Variants in N4BP2 observed in about 807,000 individuals in gnomAD.
N4BP2 encodes NEDD4-binding protein 2.
A neutral mutation model predicts 152.8 loss-of-function variants in N4BP2; 91 were observed. The observed-to-expected ratio is 0.60, with a 90% CI of 0.50 to 0.71. The LOEUF (loss-of-function observed/expected upper bound fraction) is 0.71, where lower values mean the gene tolerates loss of function less well. Among genes scored for constraint, N4BP2 ranks in the 30% least tolerant of loss-of-function variants. The pLI is 0.00. For missense variants in N4BP2, 1,923 were observed against 2,059.1 expected, an observed-to-expected ratio of 0.93 and a Z score of 1.28; for synonymous variants, 646 against 705.3, an observed-to-expected ratio of 0.92 and a Z score of 1.33.
At chr4:40,057,835 G>A (rs1238790965) in intron 1 of N4BP2, among the ~76,000 whole-genome samples, 1 of 152,176 alleles carries the variant, frequency 6.6e-6, no homozygotes, top group East Asian at 1.9e-4. Context: ...GTCAGTGTCA[G>A]TGTTGGCTTC....
chr4:40,121,827 A>G lies in N4BP2; in HGVS notation c.3716A>G (p.Gln1239Arg). Residue 1239 changes from glutamine (Q) to arginine (R), a missense_variant, in exon 9 of 18, where the codon CAG becomes CGG. Coordinates refer to ENST00000261435, the MANE Select transcript of N4BP2 (RefSeq NM_018177.6). ...KNNNDILPNS[Q>R]EELLYSSKQS... ...AATAATGACATACTTCCTAACAGCC[A>G]GGAAGAACTTTTATATAGCAGTAAG... The G allele has an allele frequency of 1.2e-6, 2 of 1,614,150 alleles. No homozygotes were observed. Among genetic ancestry groups the G allele is most frequent in the Non-Finnish European group, 1.7e-6 (2 of 1,180,002 alleles).
chr4:40,089,037 A>T (rs1254534997), intron 2 of N4BP2, among the ~76,000 whole-genome samples: 1 of 151,312 alleles, frequency 6.6e-6, no homozygotes, highest in Non-Finnish European at 1.5e-5. Context: ...TGCAGGCTCA[A>T]CCTCCCAGCT....
intron 16 of N4BP2, among the ~76,000 whole-genome samples, chr4:40,147,772 T>C (rs1720725703): frequency 6.7e-6 from 1 of 148,652 alleles, no homozygotes. Flanking sequence ...ACTTCTCAGA[T>C]GGGGCGGCTG....
rs893629375 is a variant in N4BP2 at position 40,141,167 on chromosome 4, C to T, written c.4786-1506C>T. Among the ~76,000 whole-genome samples, 14 of 151,334 alleles carry T rather than the reference C, an allele frequency of 9.3e-5. No individual in the cohort carries two copies. In the South Asian group the frequency reaches 1.3e-3, roughly 14 times the overall value. On this transcript the variant is annotated intron_variant, in intron 14 of 17. Coordinates refer to ENST00000261435, the MANE Select transcript of N4BP2 (RefSeq NM_018177.6). ...CTCCTCACCTCCCAGTAGGGGCAGC[C>T]GGGCAGAGGCGCCCCTCACCTCCCG...
chr4:40,112,141 A>T lies in N4BP2; in HGVS notation c.1556A>T (p.Gln519Leu). Residue 519 changes from glutamine (Q) to leucine (L), a missense_variant, in exon 6 of 18, where the codon CAG becomes CTG. Coordinates refer to ENST00000261435, the MANE Select transcript of N4BP2 (RefSeq NM_018177.6). ...ATAATTATAGATAATACAAACCTAC[A>T]GGCATGGGAAATGAAACCATATGTT... ...SPIIIDNTNL[Q>L]AWEMKPYVAL... 1 of 1,579,730 alleles carries T rather than the reference A, an allele frequency of 6.3e-7. No individual in the cohort carries two copies. Among genetic ancestry groups the T allele is most frequent in the Non-Finnish European group, 8.6e-7 (1 of 1,158,268 alleles).
intron 16 of N4BP2, among the ~76,000 whole-genome samples, chr4:40,148,321 C>A (rs917082109): frequency 6.6e-6 from 1 of 152,174 alleles, no homozygotes; most frequent in Non-Finnish European, 1.5e-5. Flanking sequence ...CATGGCGGCG[C>A]GCGCCTGCAA....
chr4:40,187,854 A>C, the N4BP2 span, among the ~76,000 whole-genome samples: 1 of 152,228 alleles, frequency 6.6e-6, no homozygotes, highest in Non-Finnish European at 1.5e-5. Flanking sequence ...CCTTTTGCTT[A>C]GTTGTATGAT....
intron 14 of N4BP2, chr4:40,142,254 A>G: frequency 3.3e-6 from 1 of 303,038 alleles, no homozygotes; most frequent in Non-Finnish European, 6.5e-6. Context: ...CCACCAATGA[A>G]CAGTTTTTTC....
At chr4:40,097,903 G>A (rs1715246080) in intron 3 of N4BP2, among the ~76,000 whole-genome samples, 1 of 152,090 alleles carries the variant, frequency 6.6e-6, no homozygotes, top group East Asian at 1.9e-4. Flanking sequence ...GCTCTCCTAT[G>A]CATTGTAGGT....
At chr4:40,067,653 A>G (rs1328243637) in intron 1 of N4BP2, among the ~76,000 whole-genome samples, 4 of 152,110 alleles carry the variant, frequency 2.6e-5, no homozygotes, top group Non-Finnish European at 4.4e-5. Context: ...TACCAGTAGT[A>G]CACAAGGGTT....
the N4BP2 span, among the ~76,000 whole-genome samples, chr4:40,165,200 C>G: frequency 6.6e-6 from 1 of 151,982 alleles, no homozygotes; most frequent in East Asian, 1.9e-4. Flanking sequence ...AGGTCATATT[C>G]CTGTGATTTT....
In N4BP2 at chr4:40,123,400, TTC is replaced by T. The variant is rs1718112521; in HGVS notation, c.4284+194_4284+195del. ...ATTTAACAGATTACTGTCTTTTTTT[TTC>T]TCTCTTTTCAGTAGTTTAAGTATTT... is the stretch of plus-strand genomic sequence containing the variant. On this transcript the variant is annotated intron_variant, in intron 10 of 17. Coordinates refer to ENST00000261435, the MANE Select transcript of N4BP2 (RefSeq NM_018177.6). Among the ~76,000 whole-genome samples, 5 of 152,344 alleles carry T rather than the reference TTC, an allele frequency of 3.3e-5. 1 individual carries two copies. Among genetic ancestry groups the T allele is most frequent in the Admixed American group, 3.3e-4 (5 of 15,296 alleles).
At chr4:40,088,569 C>G (rs1489590146) in intron 2 of N4BP2, among the ~76,000 whole-genome samples, 2 of 150,510 alleles carry the variant, frequency 1.3e-5, no homozygotes, top group Non-Finnish European at 2.9e-5. Flanking sequence ...ATTGTGATCT[C>G]CGCTCACTGC....
At chr4:40,076,723 T>C (rs978335926) in intron 2 of N4BP2, among the ~76,000 whole-genome samples, 3 of 152,082 alleles carry the variant, frequency 2.0e-5, no homozygotes, top group Admixed American at 2.0e-4. Flanking sequence ...CTCCTGACCT[T>C]GTGGTCCGCC....
intron 6 of N4BP2, 30 bp from the exon 7 acceptor site, chr4:40,113,402 T>A: frequency 1.4e-6 from 2 of 1,455,528 alleles, no homozygotes; most frequent in Non-Finnish European, 1.9e-6. Flanking sequence ...AATACCTATT[T>A]TAAAATGTTT....
intron 2 of N4BP2, among the ~76,000 whole-genome samples, chr4:40,075,751 A>G (rs1712666972): frequency 6.6e-6 from 1 of 152,272 alleles, no homozygotes; most frequent in East Asian, 1.9e-4. Flanking sequence ...ATAGTATTCC[A>G]AAGGATGAGT....
In N4BP2 at chr4:40,061,582, CT is replaced by C. The variant is rs537714472; in HGVS notation, c.-212+4553del. Among the ~76,000 whole-genome samples the C allele has an allele frequency of 1.4e-3, 216 of 152,014 alleles. 1 individual carries two copies. The highest frequency in any genetic ancestry group is 4.8e-3 in the African/African-American group (201 of 41,452). The stretch of plus-strand genomic sequence containing the variant: ...GTCTCACCATGTTGGCCAGGCTGGT[CT>C]CAAACTCCTAACCTCAGGTGATCCG... On this transcript the variant is annotated intron_variant, in intron 1 of 17. Transcript: ENST00000261435.
chr4:40,143,818 C>T (rs1720268905), intron 15 of N4BP2, among the ~76,000 whole-genome samples: 2 of 152,054 alleles, frequency 1.3e-5, no homozygotes, highest in Admixed American at 6.6e-5. Context: ...GTGATTCCTT[C>T]TTGAGATGGT....
intron 1 of N4BP2, among the ~76,000 whole-genome samples, chr4:40,066,569 C>T (rs1331105351): frequency 1.3e-5 from 2 of 152,006 alleles, no homozygotes; most frequent in East Asian, 3.9e-4. Flanking sequence ...ATCCACCTGC[C>T]TTGGCCTCCC....
Sources: allele counts gnomAD v4.1 joint callset (sites outside exome capture counted in the v4.1 genomes callset), GRCh38; gene constraint gnomAD v4.1.1; transcripts MANE v1.5; gene names NCBI Gene and HGNC (gene_info 2026-07-23, HGNC 2026-07-21).